Variants in PCDHAC1 observed in about 807,000 individuals in gnomAD.
PCDHAC1 encodes the protein protocadherin alpha subfamily C, 1.
PCDHAC1 carries 42 observed loss-of-function variants against 60.0 expected under a neutral mutation model. The ratio of observed to expected loss-of-function variants is 0.70; its 90% CI spans 0.55 to 0.90. The LOEUF (loss-of-function observed/expected upper bound fraction) is 0.90. Ranked by LOEUF, PCDHAC1 falls within the 40% of genes least tolerant of loss-of-function variation. The pLI, the probability that PCDHAC1 is intolerant of heterozygous loss-of-function variation, is 0.00. For synonymous variants in PCDHAC1, 468 were observed against 499.3 expected (o/e 0.94, Z 0.84); for missense variants, 1,160 against 1,222.3 (o/e 0.95, Z 0.76).
intron 1 of PCDHAC1, among the ~76,000 whole-genome samples, chr5:140,941,202 CCTTTCTTTCTTCCTTTCTTT>C (rs1442425625): frequency 7.3e-5 from 9 of 122,742 alleles, no homozygotes; most frequent in Non-Finnish European, 1.3e-4. Context: ...TTTCTTTCTT[CCTTTCTTTCTTCCTTTCTTT>C]CTTTCTTTCT....
chr5:140,927,063 C>T lies in PCDHAC1; in HGVS notation c.171C>T (p.Phe57=). The change falls in exon 1 of 4, where the codon TTC becomes TTT. Residue 57 remains phenylalanine (F), a synonymous_variant. Transcript: ENST00000253807. ...CTATGTCCTCGCGGAACTTTCGCTT[C>T]CTTTCCAGCCACCGCGAGCTCTACT... ...AAAMSSRNFR[F]LSSHRELYFG... is the part of the protein sequence containing the mutation. 6.2e-7 allele frequency: 1 copy of T among 1,611,332 alleles called. No individual in the cohort carries two copies. Among genetic ancestry groups the T allele is most frequent in the Non-Finnish European group, 8.5e-7 (1 of 1,178,074 alleles).
At chr5:140,932,247 G>A (rs1463272112) in intron 1 of PCDHAC1, among the ~76,000 whole-genome samples, 2 of 151,822 alleles carry the variant, frequency 1.3e-5, no homozygotes, top group Non-Finnish European at 3.0e-5. Context: ...ATCTAAGAGG[G>A]TACCTCTGAG....
At chr5:140,968,592 C>G (rs1554230905) in intron 1 of PCDHAC1, 1 of 1,614,208 alleles carries the variant, frequency 6.2e-7, no homozygotes, top group African/African-American at 1.3e-5. Flanking sequence ...AAAGTCATAG[C>G]TATGGACTCA....
intron 1 of PCDHAC1, among the ~76,000 whole-genome samples, chr5:140,938,353 C>G (rs2092034112): frequency 6.6e-6 from 1 of 152,138 alleles, no homozygotes; most frequent in Admixed American, 6.5e-5. Flanking sequence ...TGTCTTATTC[C>G]TGGTCTCAGA....
rs1554262965 is a variant in PCDHAC1 at position 141,010,497 on chromosome 5, T to A, written c.*560T>A. Reference sequence around the variant, plus strand: ...AAGTGTAAACTTAAAGGGACCAGACTTTCTAAATCTTACAACTCAAGAGGT... The same window carrying A: ...AAGTGTAAACTTAAAGGGACCAGACATTCTAAATCTTACAACTCAAGAGGT... On this transcript the variant is annotated 3_prime_UTR_variant, in exon 4 of 4. Coordinates refer to ENST00000253807, the MANE Select transcript of PCDHAC1 (RefSeq NM_018898.5). The A allele has an allele frequency of 1.7e-6, 1 of 584,358 alleles. No homozygotes were observed. Among genetic ancestry groups the A allele is most frequent in the African/African-American group, 1.9e-5 (1 of 53,100 alleles). 36.2% of individuals were successfully genotyped at this position (584,358 alleles called of 1,614,324 possible).
intron 1 of PCDHAC1, among the ~76,000 whole-genome samples, chr5:140,970,887 G>A (rs2096441583): frequency 6.6e-6 from 1 of 152,118 alleles, no homozygotes; most frequent in Non-Finnish European, 1.5e-5. Context: ...TTTTCTCATG[G>A]ACATTTCAGA....
intron 3 of PCDHAC1, among the ~76,000 whole-genome samples, chr5:141,000,385 C>CAA (rs1399640915): frequency 2.3e-4 from 15 of 64,992 alleles, no homozygotes; most frequent in African/African-American, 9.7e-4. Context: ...CTCTCTCTCT[C>CAA]TCTCTCTCTC....
At chr5:140,971,642 A>T (rs1586490477) in intron 1 of PCDHAC1, among the ~76,000 whole-genome samples, 1 of 152,330 alleles carries the variant, frequency 6.6e-6, no homozygotes. Context: ...ATGTGCCTAC[A>T]TTAAAAGTAG....
At chr5:141,006,634 A>G (rs1324728437) in intron 3 of PCDHAC1, among the ~76,000 whole-genome samples, 4 of 152,220 alleles carry the variant, frequency 2.6e-5, no homozygotes, top group Non-Finnish European at 5.9e-5. Flanking sequence ...GCTGCAATTC[A>G]TATAAGAGAT....
At chr5:140,959,548 A>G (rs1554224134) in intron 1 of PCDHAC1, among the ~76,000 whole-genome samples, 2 of 152,194 alleles carry the variant, frequency 1.3e-5, no homozygotes, top group Non-Finnish European at 2.9e-5. Flanking sequence ...ATGCTGTATA[A>G]ATAGAATCAG....
chr5:140,966,176 T>G (rs2095977016), intron 1 of PCDHAC1: 1 of 188,102 alleles, frequency 5.3e-6, no homozygotes, highest in African/African-American at 2.3e-5. Context: ...CCTGGGGAGC[T>G]GATAGCCAGA....
chr5:140,969,011 A>G lies in PCDHAC1; in HGVS notation c.2434-9938A>G, dbSNP rs1554231347. On this transcript the variant is annotated intron_variant, in intron 1 of 3. Transcript: ENST00000253807. Reference sequence around the variant, plus strand: ...ATGCTGTGGAGGCTTCTGTGGAGTAAGGGAAAGGTCCCCTGCAGAACTGTA... The same window carrying G: ...ATGCTGTGGAGGCTTCTGTGGAGTAGGGGAAAGGTCCCCTGCAGAACTGTA... The G allele has an allele frequency of 2.5e-6, 4 of 1,614,084 alleles. No individual in the cohort carries two copies. In the South Asian group the frequency reaches 4.4e-5, roughly 18 times the overall value.
chr5:140,976,798 A>G (rs571590033), intron 1 of PCDHAC1, among the ~76,000 whole-genome samples: 169 of 152,368 alleles, frequency 1.1e-3, no homozygotes, highest in Admixed American at 1.8e-3. Context: ...GCTTTTATGA[A>G]TATCTGAAGA....
chr5:140,979,292 C>T (rs1449910823), intron 2 of PCDHAC1, among the ~76,000 whole-genome samples: 1 of 151,814 alleles, frequency 6.6e-6, no homozygotes, highest in African/African-American at 2.4e-5. Flanking sequence ...GTAATTTCAA[C>T]CTCCTTCATC....
intron 1 of PCDHAC1, among the ~76,000 whole-genome samples, chr5:140,946,634 A>ATATATATATAT (rs1554217761): frequency 2.7e-5 from 4 of 147,312 alleles, no homozygotes; most frequent in African/African-American, 7.7e-5. Context: ...ATATATATAC[A>ATATATATATAT]ATGGAATACT....
chr5:140,967,636 T>G, intron 1 of PCDHAC1: 2 of 1,614,138 alleles, frequency 1.2e-6, no homozygotes, highest in Non-Finnish European at 1.7e-6. Context: ...GCTCCAATGG[T>G]GAGCTCAGGT....
At chr5:140,999,894 G>A (rs1260070986) in intron 3 of PCDHAC1, among the ~76,000 whole-genome samples, 3 of 152,096 alleles carry the variant, frequency 2.0e-5, no homozygotes, top group African/African-American at 7.2e-5. Flanking sequence ...TGTAGCTTGG[G>A]ACACCAAACA....
intron 3 of PCDHAC1, among the ~76,000 whole-genome samples, chr5:140,984,112 A>G (rs2097087288): frequency 6.6e-6 from 1 of 152,244 alleles, no homozygotes; most frequent in Admixed American, 6.5e-5. Flanking sequence ...GTGGTTTTAG[A>G]CTGCCAAGTG....
intron 3 of PCDHAC1, among the ~76,000 whole-genome samples, chr5:141,006,484 A>T (rs1028996250): frequency 9.9e-5 from 15 of 152,130 alleles, no homozygotes; most frequent in Non-Finnish European, 7.4e-5. Flanking sequence ...AAGTGCTGGG[A>T]TTACATGTGT....
Sources: gnomAD v4.1 joint callset for allele counts (sites outside exome capture counted in the v4.1 genomes callset) on GRCh38, gnomAD v4.1.1 for gene constraint, MANE v1.5 for transcripts, NCBI Gene and HGNC (gene_info 2026-07-23, HGNC 2026-07-21) for gene names.